Variants in SH3GLB2 observed in about 807,000 individuals in gnomAD.
The protein encoded by SH3GLB2 is endophilin-B2.
Under a neutral mutation model 48.0 loss-of-function variants are expected in SH3GLB2, and 24 were observed. The ratio of observed to expected loss-of-function variants is 0.50; its 90% CI spans 0.36 to 0.70. The LOEUF is 0.70. SH3GLB2 is among the 30% of genes least tolerant of loss of function. The pLI, the probability that SH3GLB2 is intolerant of heterozygous loss-of-function variation, is 0.00. For missense variants in SH3GLB2, 425 were observed against 516.0 expected (o/e 0.82, Z 1.71); for synonymous variants, 227 against 207.6 (o/e 1.09, Z -0.80).
chr9:129,009,000 C>A, intron 10 of SH3GLB2, 106 bp downstream of exon 10: 1 of 1,543,874 alleles, frequency 6.5e-7, no homozygotes, highest in Non-Finnish European at 8.7e-7. Flanking sequence ...CCTGCTGGTC[C>A]CCACTTTGCC....
At chr9:129,012,058 G>GC (rs1843155444) in intron 6 of SH3GLB2, 178 bp downstream of exon 6, 1 of 409,476 alleles carries the variant, frequency 2.4e-6, no homozygotes, top group African/African-American at 2.0e-5. Flanking sequence ...CCGGGGCCAG[G>GC]CCGTGGACAG....
chr9:129,018,737 CA>C (rs1345874507), intron 3 of SH3GLB2, among the ~76,000 whole-genome samples: 1 of 151,076 alleles, frequency 6.6e-6, no homozygotes, highest in Non-Finnish European at 1.5e-5. Flanking sequence ...ACTAAAAATA[CA>C]AAAAATTAGC....
At chr9:129,022,531 C>A in intron 1 of SH3GLB2, 108 bp from the exon 2 acceptor site, 1 of 998,800 alleles carries the variant, frequency 1.0e-6, no homozygotes, top group Admixed American at 2.2e-5. Context: ...GGAACCCAGG[C>A]AGGCCCCAGG....
At chr9:129,010,007 G>A (rs923678650) in intron 8 of SH3GLB2, 113 bp downstream of exon 8, 2 of 1,378,110 alleles carry the variant, frequency 1.5e-6, no homozygotes, top group Non-Finnish European at 2.0e-6. Flanking sequence ...ACCCTCCCCG[G>A]TGGGACTTGC....
At chr9:129,017,333 C>G (rs1233576309) in intron 3 of SH3GLB2, among the ~76,000 whole-genome samples, 1 of 152,080 alleles carries the variant, frequency 6.6e-6, no homozygotes, top group Non-Finnish European at 1.5e-5. Flanking sequence ...ACCGATGTGG[C>G]CTCGCTGACA....
In SH3GLB2 at chr9:129,008,735, T is replaced by C. The variant is rs1434603128; in HGVS notation, c.1137A>G (p.Arg379=). The C allele has an allele frequency of 2.5e-6, 4 of 1,614,132 alleles. No homozygotes were observed. The East Asian group carries it at 8.9e-5, about 36-fold the overall frequency. Residue 379 remains arginine (R), a synonymous_variant, in exon 11 of 11, where the codon AGA becomes AGG. Coordinates refer to ENST00000372564, the MANE Select transcript of SH3GLB2 (RefSeq NM_020145.4). ...CAGGGACCTTGCCCTTCTTGTTGCCTCTCTCGCCAATGAGCCAGTCAGGGT... is the reference window on the plus strand; with the variant it reads ...CAGGGACCTTGCCCTTCTTGTTGCCCCTCTCGCCAATGAGCCAGTCAGGGT... The part of the protein sequence containing the change: ...GMDPDWLIGE[R]GNKKGKVPVT...
chr9:129,019,940 A>G lies in SH3GLB2; in HGVS notation c.334+1151T>C, dbSNP rs933649517. Among the ~76,000 whole-genome samples the G allele has an allele frequency of 5.3e-5, 8 of 151,802 alleles. No individual in the cohort carries two copies. The South Asian group carries it at 6.2e-4, about 12-fold the overall frequency. ...AGGTTCCAGCCGGGTGCGGTGGCTC[A>G]TGCCCGTAATCCCAGCACTTTGGGA... On this transcript the variant is annotated intron_variant, in intron 3 of 10. Transcript: ENST00000372564.
intron 10 of SH3GLB2, 69 bp downstream of exon 10, chr9:129,009,037 C>A: frequency 6.3e-7 from 1 of 1,592,744 alleles, no homozygotes; most frequent in Non-Finnish European, 8.5e-7. Flanking sequence ...GCCCCATGTG[C>A]CTGATCCCAG....
rs113074413 is a variant in SH3GLB2, at chr9:129,020,888, A to AACAC, written c.334+199_334+202dup. Among the ~76,000 whole-genome samples, 843 of 150,888 alleles carry AACAC rather than the reference A, an allele frequency of 5.6e-3. 6 individuals are homozygous for AACAC. The highest frequency in any genetic ancestry group is 0.018 in the African/African-American group (733 of 41,140). On this transcript the variant is annotated intron_variant, in intron 3 of 10. Transcript: ENST00000372564. ...CCATCTCAAAAAAAAACAAAAACAA[A>AACAC]ACACACACACACACACAAACCAAAA...
chr9:129,012,878 T>C, intron 5 of SH3GLB2: 4 of 1,197,038 alleles, frequency 3.3e-6, no homozygotes, highest in Non-Finnish European at 4.8e-6. Context: ...CCCTGCACAG[T>C]AGAGGCTCTG....
At chr9:129,017,448 T>C (rs768829422) in intron 3 of SH3GLB2, among the ~76,000 whole-genome samples, 1 of 152,052 alleles carries the variant, frequency 6.6e-6, no homozygotes, top group African/African-American at 2.4e-5. Context: ...CAAGTCTCAA[T>C]AAATTTAAAA....
chr9:129,014,555 C>G lies in SH3GLB2; in HGVS notation c.469-52G>C. On this transcript the variant is annotated intron_variant, in intron 4 of 10. Transcript: ENST00000372564. The surrounding 1 kb of genome is among the most constrained non-coding windows in gnomAD (Gnocchi z 4.1). ...AGACCCTGGGCTGCCCTGGGAGACC[C>G]TGAGCCATGCATGGCAAGATTGGTG... The G allele has an allele frequency of 6.5e-7, 1 of 1,534,630 alleles. No individual in the cohort carries two copies. The highest frequency in any genetic ancestry group is 1.2e-5 in the South Asian group (1 of 83,988).
chr9:129,021,250 G>A (rs1187130601), intron 2 of SH3GLB2, 31 bp from the exon 3 acceptor site: 11 of 1,582,144 alleles, frequency 7.0e-6, no homozygotes, highest in African/African-American at 1.4e-5. Flanking sequence ...AAGCCACAGG[G>A]CTCCTTAGTT....
At position 129,008,508 on chromosome 9, in the gene SH3GLB2, G is replaced by A; in HGVS notation, c.*176C>T. On this transcript the variant is annotated 3_prime_UTR_variant, in exon 11 of 11. Coordinates refer to ENST00000372564, the MANE Select transcript of SH3GLB2 (RefSeq NM_020145.4). ...CAGGTCAGAAGCAGGGCTGGGGGAG[G>A]GGTGGAGCCATTCAGCCTCAGGCAC... The A allele has an allele frequency of 3.4e-6, 2 of 585,708 alleles. No individual in the cohort carries two copies. The highest frequency in any genetic ancestry group is 6.2e-6 in the Non-Finnish European group (2 of 320,944). The allele number at this position is 585,708 out of a possible 1,614,324, so 36.3% of individuals were successfully genotyped here.
chr9:129,027,033 TGACAAC>T (rs1281793468), intron 1 of SH3GLB2, among the ~76,000 whole-genome samples: 3 of 151,978 alleles, frequency 2.0e-5, no homozygotes, highest in East Asian at 3.9e-4. Flanking sequence ...ACAACAACGA[TGACAAC>T]GACAACGACA....
At chr9:129,009,376 G>C (rs1842965566) in intron 9 of SH3GLB2, 30 bp from the exon 10 acceptor site, 2 of 1,550,834 alleles carry the variant, frequency 1.3e-6, no homozygotes, top group African/African-American at 2.7e-5. Context: ...CTTAGCAGGT[G>C]GGAGTCCCAG....
chr9:129,009,191 G>T lies in SH3GLB2; in HGVS notation c.995C>A (p.Pro332His). The part of the protein sequence containing the change: ...EASLCLEEVA[P>H]PASGTRKARV... ...AGCTTTGCGGGTCCCACTGGCAGGG[G>T]GGGCCACCTCTTCCAGGCAGAGCGA... The change falls in exon 10 of 11, where the codon CCC becomes CAC. Residue 332 changes from proline to histidine, a missense_variant. Pro to His is a moderately conservative substitution (Grantham distance 77, BLOSUM62 -2). Transcript: ENST00000372564. 1.2e-6 allele frequency: 2 copies of T among 1,611,200 alleles called. No individual in the cohort carries two copies. Among genetic ancestry groups the T allele is most frequent in the Non-Finnish European group, 1.7e-6 (2 of 1,179,304 alleles).
Position 129,011,035 on chromosome 9 carries a change from G to A in SH3GLB2, c.625-342C>T, listed in dbSNP as rs886834237. 18 of 364,208 alleles carry A rather than the reference G, an allele frequency of 4.9e-5. No homozygotes were observed. The highest frequency in any genetic ancestry group is 8.4e-5 in the Admixed American group (2 of 23,768). 22.6% of individuals were successfully genotyped at this position (364,208 alleles called of 1,614,324 possible). Reference sequence around the variant, plus strand: ...GCTGGCTCAGGCTGCTGGGCTGGGCGGCAGAACTGTGTGACCCTGGGCCAG... The same window carrying A: ...GCTGGCTCAGGCTGCTGGGCTGGGCAGCAGAACTGTGTGACCCTGGGCCAG... On this transcript the variant is annotated intron_variant, in intron 6 of 10. Transcript: ENST00000372564. This position sits in a 1 kb window ranked among gnomAD's most constrained non-coding sequence, Gnocchi z 4.5.
At chr9:129,010,773 A>AGC in intron 6 of SH3GLB2, 80 bp from the exon 7 acceptor site, 1 of 1,568,386 alleles carries the variant, frequency 6.4e-7, no homozygotes, top group African/African-American at 1.4e-5. Context: ...GCCCTGCCCC[A>AGC]GCTCCCAGAC....
Sources: gnomAD v4.1 joint callset for allele counts (sites outside exome capture counted in the v4.1 genomes callset) on GRCh38, gnomAD v4.1.1 for gene constraint, Gnocchi (gnomAD v3.1) non-coding constraint, MANE v1.5 for transcripts, NCBI Gene and HGNC (gene_info 2026-07-23, HGNC 2026-07-21) for gene names.